The following ZNF571 variants were observed in gnomAD, a reference collection of about 807,000 sequenced individuals.
The protein encoded by ZNF571 is zinc finger protein 571.
In ZNF571, 4 loss-of-function variants were observed where a neutral mutation model predicts 7.7. The observed-to-expected ratio is 0.52, with a 90% CI of 0.25 to 1.18. The LOEUF (loss-of-function observed/expected upper bound fraction) is 1.18. ZNF571 is among the 50% of genes most tolerant of loss of function. The pLI, the probability that ZNF571 is intolerant of heterozygous loss-of-function variation, is 0.14. For missense variants in ZNF571, 704 were observed against 726.9 expected (o/e 0.97, Z 0.36); for synonymous variants, 251 against 232.4 (o/e 1.08, Z -0.73).
chr19:37,589,089 A>G (rs2043783104), intron 1 of ZNF571, among the ~76,000 whole-genome samples: 1 of 151,560 alleles, frequency 6.6e-6, no homozygotes, highest in South Asian at 2.1e-4. Context: ...GATCCCAGCT[A>G]CTTGGGAGGC....
Position 37,564,514 on chromosome 19 carries a change from T to C in ZNF571, c.*84A>G. ...AGGCCTTCTAAGAATGAGCAGATTC[T>C]GAGCAGAAGCAAGATGTTCTACATT... is the stretch of plus-strand genomic sequence containing the variant. On this transcript the variant is annotated 3_prime_UTR_variant, in exon 4 of 4. Coordinates refer to ENST00000451802, the MANE Select transcript of ZNF571 (RefSeq NM_016536.5). 7.7e-7 allele frequency: 1 copy of C among 1,306,518 alleles called. No individual in the cohort carries two copies. Among genetic ancestry groups the C allele is most frequent in the Non-Finnish European group, 1.0e-6 (1 of 990,796 alleles). 80.9% of individuals were successfully genotyped at this position (1,306,518 alleles called of 1,614,324 possible).
In ZNF571 at chr19:37,572,226, T is replaced by C. The variant is rs376445772; in HGVS notation, c.137-5935A>G. On this transcript the variant is annotated intron_variant, in intron 3 of 3. Transcript: ENST00000451802. ...AATAAAACATTCAGTTGTCAATCTA[T>C]ATAGAAGCTTAAAACTCTTTACTGT... is the stretch of plus-strand genomic sequence containing the variant. 4.2e-5 allele frequency among the ~76,000 whole-genome samples: 6 copies of C among 144,508 alleles called. 1 individual carries two copies. The Admixed American group carries it at 4.2e-4, about 10-fold the overall frequency. 94.8% of individuals were successfully genotyped at this position (144,508 alleles called of 152,430 possible).
In ZNF571 at chr19:37,564,763, C is replaced by T. The variant is rs902205245; in HGVS notation, c.1665G>A (p.Glu555=). Residue 555 remains glutamate, a synonymous_variant, in exon 4 of 4, where the codon GAG becomes GAA. Coordinates refer to ENST00000451802, the MANE Select transcript of ZNF571 (RefSeq NM_016536.5). The part of the protein sequence containing the change: ...LTEHLRTHTG[E]KPYECKECGR... ...CACATTCCTTACATTCATAGGGTTT[C>T]TCTCCAGTATGAGTTCTCAGATGTT... 4 of 1,613,750 alleles carry T rather than the reference C, an allele frequency of 2.5e-6. No homozygotes were observed. The highest frequency in any genetic ancestry group is 2.5e-6 in the Non-Finnish European group (3 of 1,179,766).
intron 3 of ZNF571, 90 bp from the exon 4 acceptor site, chr19:37,566,381 CATT>C: frequency 1.4e-6 from 2 of 1,416,904 alleles, no homozygotes; most frequent in Non-Finnish European, 9.5e-7. Flanking sequence ...AAATAATTCT[CATT>C]AAGAATAGAA....
rs1483939356 is a variant in ZNF571 at position 37,566,063 on chromosome 19, T to G, written c.365A>C (p.His122Pro). 6.2e-7 allele frequency: 1 copy of G among 1,614,020 alleles called. No homozygotes were observed. Among genetic ancestry groups the G allele is most frequent in the African/African-American group, 1.3e-5 (1 of 74,948 alleles). Residue 122 changes from histidine (H) to proline (P), a missense_variant, in exon 4 of 4, where the codon CAT becomes CCT. By Grantham distance (77) the His-to-Pro change is moderately conservative (BLOSUM62 -2). Coordinates refer to ENST00000451802, the MANE Select transcript of ZNF571 (RefSeq NM_016536.5). ...ITCEEKATESHSTSSTFHRII... is the reference protein window; with the variant it reads ...ITCEEKATESPSTSSTFHRII... ...CCGATGAAAAGTAGAAGAGGTTGAATGACTTTCAGTGGCCTTTTCTTCACA... is the reference window on the plus strand; with the variant it reads ...CCGATGAAAAGTAGAAGAGGTTGAAGGACTTTCAGTGGCCTTTTCTTCACA...
intron 3 of ZNF571, among the ~76,000 whole-genome samples, chr19:37,579,831 T>C (rs999128251): frequency 2.6e-5 from 4 of 152,222 alleles, no homozygotes; most frequent in Non-Finnish European, 4.4e-5. Flanking sequence ...TAATATACTT[T>C]TTTTGATCCA....
chr19:37,566,266 T>C lies in ZNF571; in HGVS notation c.162A>G (p.Lys54=), dbSNP rs539469360. 1 of 1,612,538 alleles carries C rather than the reference T, an allele frequency of 6.2e-7. No individual in the cohort carries two copies. Among genetic ancestry groups the C allele is most frequent in the East Asian group, 2.2e-5 (1 of 44,834 alleles). The change falls in exon 4 of 4, where the codon AAA becomes AAG. Residue 54 remains lysine, a synonymous_variant. Coordinates refer to ENST00000451802, the MANE Select transcript of ZNF571 (RefSeq NM_016536.5). ...AAATTTCCTTTTCTGGAGATAACTT[T>C]TTGGTCACACAACTGGATTCCAAGT... ...SLDLESSCVT[K]KLSPEKEIYE... is the part of the protein sequence containing the mutation.
At chr19:37,589,729 G>A (rs1049287443) in intron 1 of ZNF571, among the ~76,000 whole-genome samples, 1 of 151,796 alleles carries the variant, frequency 6.6e-6, no homozygotes, top group African/African-American at 2.4e-5. Context: ...AGCCAGGCGT[G>A]GTGGCGGGCA....
rs181746277 is a variant in ZNF571, at chr19:37,584,342, T to C, written c.10-245A>G. On this transcript the variant is annotated intron_variant, in intron 2 of 3. Transcript: ENST00000451802. ...AATTTAAAAAGCCAGATGTGTGCAG[T>C]TTCTTGATTAAAGAAAATACTGCAA... Among the ~76,000 whole-genome samples the C allele has an allele frequency of 7.5e-4, 115 of 152,330 alleles. 2 individuals carry two copies. The highest frequency in any genetic ancestry group is 1.0e-4 in the Non-Finnish European group (7 of 68,024).
rs371806056 is a variant in ZNF571 at position 37,565,155 on chromosome 19, C to A, written c.1273G>T (p.Gly425Ter). 1.2e-6 allele frequency: 2 copies of A among 1,613,400 alleles called. No individual in the cohort carries two copies. Among genetic ancestry groups the A allele is most frequent in the African/African-American group, 2.7e-5 (2 of 74,844 alleles). Residue 425 changes from glycine to a stop codon, truncating the protein, a stop_gained, in exon 4 of 4, where the codon GGA (glycine) becomes TGA (stop). Transcript: ENST00000451802. LOFTEE classifies it low-confidence loss of function (END_TRUNC). ...TGTTTGCCACAAATAAAGGCCTTTCCACATTCCTTACATTTGTAGGGCTTC... is the reference window on the plus strand; with the variant it reads ...TGTTTGCCACAAATAAAGGCCTTTCAACATTCCTTACATTTGTAGGGCTTC... ...GEKPYKCKEC[G>*]KAFICGKQLS...
intron 1 of ZNF571, among the ~76,000 whole-genome samples, chr19:37,591,011 A>T (rs1209135955): frequency 1.3e-5 from 2 of 152,248 alleles, no homozygotes; most frequent in African/African-American, 4.8e-5. Context: ...CAGAGATACA[A>T]GTATAAAATC....
Position 37,586,484 on chromosome 19 carries a change from T to C in ZNF571, c.9+184A>G, listed in dbSNP as rs1021443468. 7 of 648,936 alleles carry C rather than the reference T, an allele frequency of 1.1e-5. No individual in the cohort carries two copies. The African/African-American group carries it at 1.1e-4, about 10-fold the overall frequency. 40.2% of individuals were successfully genotyped at this position (648,936 alleles called of 1,614,324 possible). A position where few individuals can be genotyped will look rare whatever the true frequency, so the allele number is the denominator to read the frequency against. ...TGCTGAATGAATATCTGAAAACTGT[T>C]TGGAGAGGGGAAAAGCATTGAGAAG... On this transcript the variant is annotated intron_variant, in intron 2 of 3. Transcript: ENST00000451802.
At chr19:37,591,165 T>C (rs1002328022) in intron 1 of ZNF571, among the ~76,000 whole-genome samples, 2 of 152,210 alleles carry the variant, frequency 1.3e-5, no homozygotes, top group African/African-American at 4.8e-5. Context: ...GAAACTCTAA[T>C]GCCCAGACAG....
chr19:37,584,825 G>A (rs1480425478), intron 2 of ZNF571, among the ~76,000 whole-genome samples: 8 of 152,040 alleles, frequency 5.3e-5, no homozygotes, highest in Non-Finnish European at 1.0e-4. Flanking sequence ...TTAGCCGGGC[G>A]TGATGGTGGG....
At chr19:37,591,774 C>T (rs946870448) in intron 1 of ZNF571, among the ~76,000 whole-genome samples, 3 of 152,022 alleles carry the variant, frequency 2.0e-5, no homozygotes, top group Admixed American at 2.0e-4. Context: ...AAACTCCCGA[C>T]CTCAGGTGAT....
chr19:37,582,215 T>C (rs1263586369), intron 3 of ZNF571, among the ~76,000 whole-genome samples: 1 of 152,188 alleles, frequency 6.6e-6, no homozygotes, highest in Non-Finnish European at 1.5e-5. Context: ...TACTCCACAA[T>C]GAGGTTTTTG....
intron 3 of ZNF571, among the ~76,000 whole-genome samples, chr19:37,567,282 A>G (rs933257194): frequency 6.6e-6 from 1 of 152,248 alleles, no homozygotes; most frequent in African/African-American, 2.4e-5. Context: ...TAACATCATT[A>G]CTTACACATT....
rs61423699 is a variant in ZNF571 at position 37,590,333 on chromosome 19, C to T, written c.-69-3588G>A. On this transcript the variant is annotated intron_variant, in intron 1 of 3. Transcript: ENST00000451802. ...TTGGGAGGCTGAGGCAGGAGAACGG[C>T]GTGAACCCAGGAGGCGGAGCTTGCA... 4.7e-4 allele frequency among the ~76,000 whole-genome samples: 71 copies of T among 152,102 alleles called. No homozygotes were observed. In the East Asian group the frequency reaches 5.6e-3, roughly 12 times the overall value.
chr19:37,564,675 G>T lies in ZNF571; in HGVS notation c.1753C>A (p.Pro585Thr). The T allele has an allele frequency of 1.2e-6, 2 of 1,613,348 alleles. No individual in the cohort carries two copies. The highest frequency in any genetic ancestry group is 1.7e-6 in the Non-Finnish European group (2 of 1,179,598). ...TTACCACACTGGACACATGTATAGG[G>T]TTTCTCACCAGTATGGATCCTTTGA... ...LHQRIHTGEK[P>T]YTCVQCGKDF... Residue 585 changes from proline to threonine, a missense_variant, in exon 4 of 4, where the codon CCC becomes ACC. By Grantham distance (38) the Pro-to-Thr change is conservative. Transcript: ENST00000451802.
Sources: allele counts gnomAD v4.1 joint callset (sites outside exome capture counted in the v4.1 genomes callset), GRCh38; gene constraint gnomAD v4.1.1; transcripts MANE v1.5; gene names NCBI Gene and HGNC (gene_info 2026-07-23, HGNC 2026-07-21).